SPAG16: variants seen among roughly 807,000 people sequenced by gnomAD.
SPAG16 encodes sperm associated antigen 16, also known as sperm-associated antigen 16 protein.
SPAG16 carries 86 observed loss-of-function variants against 80.4 expected under a neutral mutation model. That is an observed-to-expected ratio of 1.07 (90% confidence interval 0.90 to 1.28). The LOEUF is 1.28. SPAG16 is among the 50% of genes most tolerant of loss of function. The probability of loss-of-function intolerance (pLI) is 0.00; values close to 1 mark genes in which losing one functional copy is unlikely to be tolerated. For synonymous variants in SPAG16, 294 were observed against 265.9 expected (o/e 1.11, Z -1.03); for missense variants, 870 against 765.3 (o/e 1.14, Z -1.61).
chr2:214,245,391 G>GCA (rs1689768302), intron 15 of SPAG16, among the ~76,000 whole-genome samples: 1 of 151,944 alleles, frequency 6.6e-6, no homozygotes, highest in Non-Finnish European at 1.5e-5. Flanking sequence ...ACCTTTTGTA[G>GCA]GGCCTAAGTC....
intron 10 of SPAG16, among the ~76,000 whole-genome samples, chr2:213,636,284 T>C (rs1445429848): frequency 6.6e-6 from 1 of 152,184 alleles, no homozygotes; most frequent in African/African-American, 2.4e-5. Context: ...ATTTGGGGGT[T>C]CTTTATTCTG....
At chr2:214,162,507 G>A (rs10190561) in intron 15 of SPAG16, among the ~76,000 whole-genome samples, 7,806 of 151,990 alleles carry the variant, frequency 0.051, 238 homozygotes, top group Middle Eastern at 0.082. Context: ...GACTATAGAG[G>A]GAGATTCAAC....
rs1441591009 is a variant in SPAG16 at position 213,329,068 on chromosome 2, C to T, written c.537-11095C>T. Among the ~76,000 whole-genome samples the T allele has an allele frequency of 2.0e-5, 3 of 152,154 alleles. No individual in the cohort carries two copies. In the East Asian group the frequency reaches 5.8e-4, roughly 29 times the overall value. On this transcript the variant is annotated intron_variant, in intron 5 of 15. Transcript: ENST00000331683. ...TTGTCTTGCACCATGATAGTGAGGCCTCCCCAGCCAAGTGGAACTGTAAGT... is the reference window on the plus strand; with the variant it reads ...TTGTCTTGCACCATGATAGTGAGGCTTCCCCAGCCAAGTGGAACTGTAAGT...
At chr2:213,756,804 C>T (rs967564253) in intron 10 of SPAG16, among the ~76,000 whole-genome samples, 1 of 151,962 alleles carries the variant, frequency 6.6e-6, no homozygotes, top group African/African-American at 2.4e-5. Flanking sequence ...AGCTTTGACA[C>T]TGAAATTAAA....
At chr2:213,371,705 A>G (rs1242053732) in intron 8 of SPAG16, among the ~76,000 whole-genome samples, 2 of 30,518 alleles carry the variant, frequency 6.6e-5, no homozygotes, top group East Asian at 0.1. Context: ...AAGAAGACAC[A>G]TTAATTGTTA....
intron 10 of SPAG16, among the ~76,000 whole-genome samples, chr2:213,691,414 C>T (rs1363223077): frequency 6.6e-6 from 1 of 152,130 alleles, no homozygotes; most frequent in African/African-American, 2.4e-5. Flanking sequence ...GCACCTTGAT[C>T]AATAACCTCA....
At chr2:214,350,877 T>C (rs1698356568) in intron 15 of SPAG16, among the ~76,000 whole-genome samples, 1 of 152,032 alleles carries the variant, frequency 6.6e-6, no homozygotes, top group Non-Finnish European at 1.5e-5. Context: ...CTAAAATGAA[T>C]CCATGAAAAG....
At chr2:213,932,821 A>G (rs1484136078) in intron 12 of SPAG16, among the ~76,000 whole-genome samples, 1 of 152,232 alleles carries the variant, frequency 6.6e-6, no homozygotes, top group African/African-American at 2.4e-5. Flanking sequence ...ACAATTATCT[A>G]TGACACTCAG....
At chr2:213,894,357 T>C (rs1382597667) in intron 11 of SPAG16, among the ~76,000 whole-genome samples, 7 of 152,204 alleles carry the variant, frequency 4.6e-5, no homozygotes, top group African/African-American at 2.4e-5. Context: ...ATTATTTTAA[T>C]AGGTGCCCAT....
chr2:214,018,843 C>T (rs16851301), intron 13 of SPAG16, among the ~76,000 whole-genome samples: 4 of 152,012 alleles, frequency 2.6e-5, no homozygotes, highest in African/African-American at 2.4e-5. Flanking sequence ...AACATATACT[C>T]GTTTTAAATC....
intron 13 of SPAG16, among the ~76,000 whole-genome samples, chr2:214,092,368 G>C (rs1325926400): frequency 2.6e-5 from 4 of 152,046 alleles, no homozygotes; most frequent in Non-Finnish European, 5.9e-5. Context: ...AGGTGAATTG[G>C]TAGTTGTCAC....
intron 10 of SPAG16, among the ~76,000 whole-genome samples, chr2:213,531,776 T>G (rs939952030): frequency 1.3e-5 from 2 of 152,198 alleles, no homozygotes; most frequent in Non-Finnish European, 2.9e-5. Context: ...CCTTCTTTTT[T>G]ACTAATTTTT....
chr2:213,737,657 T>G (rs1346279345), intron 10 of SPAG16, among the ~76,000 whole-genome samples: 3 of 152,000 alleles, frequency 2.0e-5, no homozygotes, highest in African/African-American at 7.2e-5. Context: ...CCGGCTAATT[T>G]TTTTGTATTT....
chr2:213,600,275 A>C (rs1266212156), intron 10 of SPAG16, among the ~76,000 whole-genome samples: 1 of 152,208 alleles, frequency 6.6e-6, no homozygotes, highest in Non-Finnish European at 1.5e-5. Context: ...TATGCATCTC[A>C]GATTTGCAAC....
intron 15 of SPAG16, among the ~76,000 whole-genome samples, chr2:214,284,189 G>A (rs1693174288): frequency 6.6e-6 from 1 of 152,090 alleles, no homozygotes; most frequent in Non-Finnish European, 1.5e-5. Context: ...TGCGTTATGA[G>A]AAAAAACACA....
intron 14 of SPAG16, among the ~76,000 whole-genome samples, chr2:214,130,313 C>T (rs2054702877): frequency 6.6e-6 from 1 of 152,150 alleles, no homozygotes; most frequent in Non-Finnish European, 1.5e-5. Context: ...TTTACAACAC[C>T]TTTCTGAGAA....
At chr2:213,336,577 G>T (rs1197012435) in intron 5 of SPAG16, among the ~76,000 whole-genome samples, 8 of 152,224 alleles carry the variant, frequency 5.3e-5, no homozygotes, top group African/African-American at 7.2e-5. Context: ...GGGTGGTCTG[G>T]ACTAGGAGCA....
intron 10 of SPAG16, among the ~76,000 whole-genome samples, chr2:213,779,362 C>A (rs565111593): frequency 6.6e-6 from 1 of 152,182 alleles, no homozygotes; most frequent in South Asian, 2.1e-4. Flanking sequence ...ATTAGAGTAA[C>A]CTTAACCTAA....
chr2:213,347,900 G>A, intron 6 of SPAG16, among the ~76,000 whole-genome samples: 1 of 152,122 alleles, frequency 6.6e-6, no homozygotes, highest in South Asian at 2.1e-4. Context: ...TGTCTATTAG[G>A]TCTGCTTGGT....
Sources: allele counts gnomAD v4.1 joint callset (sites outside exome capture counted in the v4.1 genomes callset), GRCh38; gene constraint gnomAD v4.1.1; transcripts MANE v1.5; gene names NCBI Gene and HGNC (gene_info 2026-07-23, HGNC 2026-07-21).